Variants in ANKS1B observed in about 807,000 individuals in gnomAD.
ANKS1B encodes the protein ankyrin repeat and sterile alpha motif domain-containing protein 1B.
ANKS1B carries 36 observed loss-of-function variants against 148.3 expected under a neutral mutation model. The observed-to-expected ratio is 0.24, with a 90% CI of 0.19 to 0.32. The LOEUF is 0.32. ANKS1B is among the 10% of genes least tolerant of loss of function. ANKS1B has a pLI of 1.00. For synonymous variants in ANKS1B, 542 were observed against 560.8 expected (o/e 0.97, Z 0.47); for missense variants, 1,157 against 1,542.6 (o/e 0.75, Z 4.19).
At chr12:98,963,511 T>G (rs2099875328) in intron 17 of ANKS1B, among the ~76,000 whole-genome samples, 1 of 152,140 alleles carries the variant, frequency 6.6e-6, no homozygotes, top group Admixed American at 6.6e-5. Flanking sequence ...ATAAACAAAA[T>G]TTTTGTCAGT....
In ANKS1B at chr12:99,246,524, C is replaced by A; in HGVS notation, c.2097G>T (p.Gly699=). 2 of 1,613,806 alleles carry A rather than the reference C, an allele frequency of 1.2e-6. No individual in the cohort carries two copies. Among genetic ancestry groups the A allele is most frequent in the Non-Finnish European group, 1.7e-6 (2 of 1,179,836 alleles). The part of the protein sequence containing the change: ...TRSTRSGSRN[G]DQWVMNAGGF... ...CCCCTGCGTTCATAACCCACTGGTC[C>A]CCATTCCGAGATCCACTCCTGGTTG... The change falls in exon 13 of 27, where the codon GGG becomes GGT. Residue 699 remains glycine, a synonymous_variant. Coordinates refer to ENST00000683438, the MANE Select transcript of ANKS1B (RefSeq NM_001352186.2).
At chr12:98,863,182 C>A (rs569190427) in intron 17 of ANKS1B, among the ~76,000 whole-genome samples, 1 of 152,314 alleles carries the variant, frequency 6.6e-6, no homozygotes, top group South Asian at 2.1e-4. Flanking sequence ...TTTTTACATT[C>A]AGTAAGTAGA....
Position 99,772,916 on chromosome 12 carries a change from A to C in ANKS1B, c.1128+6T>G. 1 of 1,607,734 alleles carries C rather than the reference A, an allele frequency of 6.2e-7. No homozygotes were observed. Among genetic ancestry groups the C allele is most frequent in the Non-Finnish European group, 8.5e-7 (1 of 1,176,924 alleles). On this transcript the variant is annotated splice_donor_region_variant and intron_variant, in intron 8 of 26. Transcript: ENST00000683438. Reference sequence around the variant, plus strand: ...CATTATCTTCATTCCCCCCCGCCTTACTTACTACACTCTGGCTTCCATTTT... The same window carrying C: ...CATTATCTTCATTCCCCCCCGCCTTCCTTACTACACTCTGGCTTCCATTTT...
At chr12:99,752,125 C>T (rs187588353) in intron 8 of ANKS1B, among the ~76,000 whole-genome samples, 3 of 152,116 alleles carry the variant, frequency 2.0e-5, no homozygotes, top group Admixed American at 6.6e-5. Context: ...GTTATTATCA[C>T]ACTTTTTCCT....
chr12:98,928,921 T>C (rs544026473), intron 17 of ANKS1B, among the ~76,000 whole-genome samples: 5 of 152,126 alleles, frequency 3.3e-5, no homozygotes, highest in Non-Finnish European at 7.4e-5. Flanking sequence ...CAATATAGTA[T>C]TGGGGGTGCT....
intron 12 of ANKS1B, among the ~76,000 whole-genome samples, chr12:99,346,976 C>T (rs2090782405): frequency 6.6e-6 from 1 of 151,974 alleles, no homozygotes; most frequent in Admixed American, 6.6e-5. Context: ...CCATTGCTGG[C>T]TTAATGGTGG....
intron 17 of ANKS1B, among the ~76,000 whole-genome samples, chr12:98,886,077 T>C (rs899053755): frequency 6.6e-6 from 1 of 151,968 alleles, no homozygotes; most frequent in Non-Finnish European, 1.5e-5. Flanking sequence ...AGAAAAAATA[T>C]AAAATGAAAG....
At chr12:99,143,103 C>T (rs563280774) in intron 15 of ANKS1B, among the ~76,000 whole-genome samples, 3 of 152,238 alleles carry the variant, frequency 2.0e-5, no homozygotes, top group African/African-American at 7.2e-5. Context: ...AAGCCTAATT[C>T]TCTTTGCCAG....
At chr12:99,784,789 C>T (rs1037657346) in intron 4 of ANKS1B, among the ~76,000 whole-genome samples, 5 of 152,124 alleles carry the variant, frequency 3.3e-5, no homozygotes, top group African/African-American at 7.2e-5. Context: ...TACGATATCT[C>T]GAATCTTAGC....
intron 14 of ANKS1B, among the ~76,000 whole-genome samples, chr12:99,227,946 A>G (rs2086206695): frequency 6.6e-6 from 1 of 152,008 alleles, no homozygotes; most frequent in Non-Finnish European, 1.5e-5. Flanking sequence ...ACATTGTAAA[A>G]TGATGATCTG....
In ANKS1B at chr12:99,957,755, C is replaced by T. The variant is rs115349978; in HGVS notation, c.134+26349G>A. Among the ~76,000 whole-genome samples the T allele has an allele frequency of 2.9e-3, 435 of 152,328 alleles. 2 individuals carry two copies. The highest frequency in any genetic ancestry group is 9.7e-3 in the African/African-American group (403 of 41,584). ...ATATCATATTTAATTGTTCTCAGCA[C>T]TGGCATTGCTAACCAAGACTACCTT... On this transcript the variant is annotated intron_variant, in intron 1 of 26. Transcript: ENST00000683438.
At chr12:99,305,475 A>T (rs1447832066) in intron 12 of ANKS1B, among the ~76,000 whole-genome samples, 2 of 152,190 alleles carry the variant, frequency 1.3e-5, no homozygotes, top group Non-Finnish European at 2.9e-5. Flanking sequence ...GCTGTCTAGC[A>T]ATAGGATAGA....
chr12:99,639,043 C>T (rs1203016404), intron 9 of ANKS1B, among the ~76,000 whole-genome samples: 1 of 152,224 alleles, frequency 6.6e-6, no homozygotes, highest in Non-Finnish European at 1.5e-5. Flanking sequence ...GCCTGGATGT[C>T]CAGGCAGAAG....
At chr12:99,597,717 G>A (rs1276774553) in intron 9 of ANKS1B, among the ~76,000 whole-genome samples, 5 of 151,856 alleles carry the variant, frequency 3.3e-5, no homozygotes, top group African/African-American at 1.2e-4. Context: ...ATATCAAATG[G>A]TTTCTATAAT....
chr12:99,851,729 A>G (rs1291269420), intron 1 of ANKS1B, among the ~76,000 whole-genome samples: 1 of 152,166 alleles, frequency 6.6e-6, no homozygotes, highest in African/African-American at 2.4e-5. Flanking sequence ...TAATGGGCAT[A>G]TGTTTCACAC....
At chr12:98,876,084 T>C (rs1187095836) in intron 17 of ANKS1B, among the ~76,000 whole-genome samples, 4 of 152,186 alleles carry the variant, frequency 2.6e-5, no homozygotes, top group Non-Finnish European at 5.9e-5. Context: ...AAAGTGACCC[T>C]TCCCACCTAC....
intron 8 of ANKS1B, among the ~76,000 whole-genome samples, chr12:99,707,284 G>A (rs531448050): frequency 1.4e-4 from 21 of 152,084 alleles, no homozygotes; most frequent in African/African-American, 4.3e-4. Flanking sequence ...GGTTCAGCAC[G>A]GCAACCTCAG....
chr12:98,737,853 C>G (rs1313347454), intron 9 of ANKS1B, among the ~76,000 whole-genome samples: 1 of 152,178 alleles, frequency 6.6e-6, no homozygotes, highest in Non-Finnish European at 1.5e-5. Flanking sequence ...GTATGGCCAT[C>G]TATTATTCCA....
intron 22 of ANKS1B, among the ~76,000 whole-genome samples, chr12:98,793,646 A>C (rs1235485731): frequency 2.0e-5 from 3 of 152,202 alleles, no homozygotes; most frequent in Non-Finnish European, 2.9e-5. Context: ...CAAAACAACA[A>C]ATAATCCTAT....
Sources: allele counts gnomAD v4.1 joint callset (sites outside exome capture counted in the v4.1 genomes callset), GRCh38; gene constraint gnomAD v4.1.1; transcripts MANE v1.5; gene names NCBI Gene and HGNC (gene_info 2026-07-23, HGNC 2026-07-21).